Variants in CDH20 observed in about 807,000 individuals in gnomAD.
The protein encoded by CDH20 is cadherin 20.
A neutral mutation model predicts 74.2 loss-of-function variants in CDH20; 29 were observed. The observed-to-expected ratio is 0.39, with a 90% CI of 0.29 to 0.53. CDH20 has a LOEUF of 0.53. Among genes scored for constraint, CDH20 ranks in the 20% least tolerant of loss-of-function variants. CDH20 has a pLI of 0.69. For missense variants in CDH20, 988 were observed against 1,048.3 expected (o/e 0.94, Z 0.79); for synonymous variants, 469 against 405.4 (o/e 1.16, Z -1.88).
intron 1 of CDH20, among the ~76,000 whole-genome samples, chr18:61,361,114 G>C (rs1910677538): frequency 6.6e-6 from 1 of 152,170 alleles, no homozygotes; most frequent in Non-Finnish European, 1.5e-5. Context: ...GTGACTACAA[G>C]TATTTCAATT....
chr18:61,501,561 C>T (rs1911385514), intron 4 of CDH20, among the ~76,000 whole-genome samples: 1 of 152,150 alleles, frequency 6.6e-6, no homozygotes, highest in Admixed American at 6.5e-5. Context: ...ATGGTGAACA[C>T]TCAAAGTCAC....
chr18:61,441,003 C>A (rs1340944591), intron 1 of CDH20, among the ~76,000 whole-genome samples: 4 of 152,124 alleles, frequency 2.6e-5, no homozygotes, highest in Non-Finnish European at 4.4e-5. Context: ...TCTAACAAGT[C>A]TCAAAGCACA....
intron 1 of CDH20, among the ~76,000 whole-genome samples, chr18:61,380,364 A>G (rs1343882104): frequency 6.6e-6 from 1 of 152,218 alleles, no homozygotes; most frequent in African/African-American, 2.4e-5. Flanking sequence ...TATAAATACC[A>G]TAGTAAAATT....
At chr18:61,363,325 T>C (rs1910760646) in intron 1 of CDH20, among the ~76,000 whole-genome samples, 1 of 151,998 alleles carries the variant, frequency 6.6e-6, no homozygotes, top group East Asian at 1.9e-4. Flanking sequence ...TATTGAGCTG[T>C]GTACTTTTTA....
At chr18:61,471,010 G>C (rs905791015) in intron 1 of CDH20, among the ~76,000 whole-genome samples, 10 of 151,826 alleles carry the variant, frequency 6.6e-5, no homozygotes, top group African/African-American at 2.2e-4. Flanking sequence ...CATGTAACTT[G>C]ATTAAGAAAC....
Position 61,430,028 on chromosome 18 carries a change from T to C in CDH20, c.-152-60374T>C, listed in dbSNP as rs182364651. Reference sequence around the variant, plus strand: ...GGGGTCATCCTGACAGCACAGGCTCTATGGAGTGGCTCAGCAACCAGAGTA... The same window carrying C: ...GGGGTCATCCTGACAGCACAGGCTCCATGGAGTGGCTCAGCAACCAGAGTA... On this transcript the variant is annotated intron_variant, in intron 1 of 11. Transcript: ENST00000262717. Among the ~76,000 whole-genome samples the C allele has an allele frequency of 2.0e-3, 297 of 151,512 alleles. 1 individual carries two copies. Among genetic ancestry groups the C allele is most frequent in the African/African-American group, 6.8e-3 (281 of 41,350 alleles).
chr18:61,337,804 A>C (rs982415138), intron 1 of CDH20, among the ~76,000 whole-genome samples: 8 of 152,212 alleles, frequency 5.3e-5, no homozygotes, highest in African/African-American at 1.7e-4. Flanking sequence ...GGGTAAATGA[A>C]GAACCATGCG....
intron 6 of CDH20, among the ~76,000 whole-genome samples, chr18:61,515,125 C>T (rs1911943529): frequency 6.6e-6 from 1 of 152,148 alleles, no homozygotes; most frequent in Admixed American, 6.5e-5. Context: ...AGTTTGATCT[C>T]AGACTGTTGT....
intron 1 of CDH20, among the ~76,000 whole-genome samples, chr18:61,456,194 G>A (rs948315169): frequency 6.6e-6 from 1 of 152,170 alleles, no homozygotes; most frequent in African/African-American, 2.4e-5. Context: ...AAACCAAGTG[G>A]CTGCTACATA....
intron 1 of CDH20, among the ~76,000 whole-genome samples, chr18:61,437,127 T>C (rs961697481): frequency 2.0e-5 from 3 of 152,178 alleles, no homozygotes; most frequent in African/African-American, 7.2e-5. Flanking sequence ...TAATATTCAA[T>C]ACACTCAAGC....
intron 6 of CDH20, among the ~76,000 whole-genome samples, chr18:61,516,120 C>CA (rs1264784206): frequency 6.6e-6 from 1 of 152,122 alleles, no homozygotes; most frequent in East Asian, 1.9e-4. Context: ...AAGGTGTTAT[C>CA]AATTGGAGAA....
rs1391080148 is a variant in CDH20 at position 61,554,590 on chromosome 18, G to T, written c.2301G>T (p.Thr767=). Residue 767 remains threonine, a synonymous_variant, in exon 12 of 12, where the codon ACG becomes ACT. Coordinates refer to ENST00000262717, the MANE Select transcript of CDH20 (RefSeq NM_031891.4). ...AGSLSSLQSA[T]SDSEQSFDFL... ...CGCTGAGCTCCCTGCAGTCGGCCACGTCGGACTCGGAACAGAGCTTCGACT... is the reference window on the plus strand; with the variant it reads ...CGCTGAGCTCCCTGCAGTCGGCCACTTCGGACTCGGAACAGAGCTTCGACT... 6.2e-7 allele frequency: 1 copy of T among 1,608,954 alleles called. No homozygotes were observed. Among genetic ancestry groups the T allele is most frequent in the Non-Finnish European group, 8.5e-7 (1 of 1,178,340 alleles).
intron 1 of CDH20, among the ~76,000 whole-genome samples, chr18:61,369,256 G>T (rs12458185): frequency 0.14 from 20,821 of 152,092 alleles, 1,995 homozygotes; most frequent in East Asian, 0.44. Context: ...TGTAGGGGTG[G>T]AATTGGAATA....
chr18:61,359,813 A>G (rs1910629440), intron 1 of CDH20, among the ~76,000 whole-genome samples: 1 of 152,202 alleles, frequency 6.6e-6, no homozygotes, highest in South Asian at 2.1e-4. Flanking sequence ...TGAGTCATCC[A>G]TAATTACAGC....
At chr18:61,342,439 C>T (rs760309914) in intron 1 of CDH20, among the ~76,000 whole-genome samples, 1 of 152,154 alleles carries the variant, frequency 6.6e-6, no homozygotes, top group Non-Finnish European at 1.5e-5. Context: ...CTCTCTGGCT[C>T]CCACGCCTGT....
rs1048580395 is a variant in CDH20, at chr18:61,353,064, T to A, written c.-153+19237T>A. ...TCTAGCAACCTTCACATGCTGTCCA[T>A]AGCTTCTATTTTATGGCTACCCTGG... On this transcript the variant is annotated intron_variant, in intron 1 of 11. Transcript: ENST00000262717. This position sits in a 1 kb window ranked among gnomAD's most constrained non-coding sequence, Gnocchi z 4.6. 3.3e-5 allele frequency among the ~76,000 whole-genome samples: 5 copies of A among 152,206 alleles called. No homozygotes were observed. The highest frequency in any genetic ancestry group is 7.3e-5 in the Non-Finnish European group (5 of 68,034).
intron 1 of CDH20, among the ~76,000 whole-genome samples, chr18:61,394,268 C>T (rs1911889395): frequency 6.6e-6 from 1 of 152,112 alleles, no homozygotes. Context: ...TGGAATGTCT[C>T]CCCAAAATTC....
intron 1 of CDH20, among the ~76,000 whole-genome samples, chr18:61,487,096 G>A (rs1174728364): frequency 2.0e-5 from 3 of 152,156 alleles, no homozygotes; most frequent in Non-Finnish European, 4.4e-5. Context: ...GGATGAAGGG[G>A]AAACTTTTAA....
intron 1 of CDH20, among the ~76,000 whole-genome samples, chr18:61,470,846 G>T (rs1391785885): frequency 6.6e-6 from 1 of 152,020 alleles, no homozygotes; most frequent in Non-Finnish European, 1.5e-5. Flanking sequence ...CTTGGAGGTT[G>T]GATTATATGA....
Sources: gnomAD v4.1 joint callset for allele counts (sites outside exome capture counted in the v4.1 genomes callset) on GRCh38, gnomAD v4.1.1 for gene constraint, Gnocchi (gnomAD v3.1) non-coding constraint, MANE v1.5 for transcripts, NCBI Gene and HGNC (gene_info 2026-07-23, HGNC 2026-07-21) for gene names.